The following CACNA2D3 variants were observed in gnomAD, a reference collection of about 807,000 sequenced individuals.
CACNA2D3 encodes the protein voltage-dependent calcium channel subunit alpha-2/delta-3.
CACNA2D3 carries 60 observed loss-of-function variants against 160.6 expected under a neutral mutation model. That is an observed-to-expected ratio of 0.37 (90% CI 0.30 to 0.46). The LOEUF is 0.46. Ranked by LOEUF, CACNA2D3 falls within the 20% of genes least tolerant of loss-of-function variation. CACNA2D3 has a pLI of 1.00. For synonymous variants in CACNA2D3, 558 were observed against 492.9 expected (o/e 1.13, Z -1.75); for missense variants, 1,205 against 1,365.0 (o/e 0.88, Z 1.85).
At chr3:54,294,859 T>C (rs1012151452) in intron 2 of CACNA2D3, among the ~76,000 whole-genome samples, 6 of 152,232 alleles carry the variant, frequency 3.9e-5, no homozygotes, top group African/African-American at 7.2e-5. Context: ...TAGTGGCTTC[T>C]CTTGCTTTAG....
At chr3:54,726,374 C>G (rs1003412488) in intron 11 of CACNA2D3, among the ~76,000 whole-genome samples, 11 of 152,208 alleles carry the variant, frequency 7.2e-5, no homozygotes, top group Admixed American at 5.2e-4. Context: ...CCCCATCAAG[C>G]TACCACTGAC....
chr3:54,618,352 C>CATATATATATATATATATATATAT (rs140732966), intron 9 of CACNA2D3, among the ~76,000 whole-genome samples: 1 of 119,888 alleles, frequency 8.3e-6, no homozygotes, highest in African/African-American at 3.2e-5. Flanking sequence ...TTGATACATA[C>CATATATATATATATATATATATAT]ATATATATAT....
intron 17 of CACNA2D3, among the ~76,000 whole-genome samples, chr3:54,867,695 C>A (rs1225237360): frequency 1.3e-5 from 2 of 152,178 alleles, no homozygotes; most frequent in Non-Finnish European, 1.5e-5. Context: ...TGGCTTCATG[C>A]CCAGGAAGAC....
chr3:54,644,080 A>G (rs1399742076), intron 11 of CACNA2D3, among the ~76,000 whole-genome samples: 1 of 152,136 alleles, frequency 6.6e-6, no homozygotes, highest in Non-Finnish European at 1.5e-5. Flanking sequence ...AATAGCATTT[A>G]CCCAAGAATA....
intron 4 of CACNA2D3, among the ~76,000 whole-genome samples, chr3:54,498,769 G>A (rs1041727586): frequency 2.4e-4 from 36 of 151,804 alleles, no homozygotes; most frequent in African/African-American, 8.2e-4. Flanking sequence ...ATATTGATAT[G>A]TTGTTTTCAT....
chr3:55,067,098 T>TG lies in CACNA2D3; in HGVS notation c.2988-6347_2988-6346insG, dbSNP rs560175834. ...TAATCTTTCCGCTGGCAATCTTTTG[T>TG]AGCGGGGGGGGCTTTTCTCCTCTCA... On this transcript the variant is annotated intron_variant, in intron 35 of 37. Transcript: ENST00000474759. 7.6e-3 allele frequency among the ~76,000 whole-genome samples: 1,130 copies of TG among 148,322 alleles called. 29 individuals are homozygous for TG. The highest frequency in any genetic ancestry group is 0.054 in the Admixed American group (788 of 14,686).
At chr3:54,990,274 T>C (rs1004664294) in intron 31 of CACNA2D3, among the ~76,000 whole-genome samples, 5 of 152,188 alleles carry the variant, frequency 3.3e-5, no homozygotes, top group African/African-American at 9.7e-5. Flanking sequence ...CTCACGCCTG[T>C]AATCCCAGCA....
At chr3:54,219,968 C>T (rs914667578) in intron 2 of CACNA2D3, among the ~76,000 whole-genome samples, 12 of 152,036 alleles carry the variant, frequency 7.9e-5, no homozygotes, top group African/African-American at 2.2e-4. Flanking sequence ...CAATGAAAAC[C>T]TCAAGCCTGT....
intron 3 of CACNA2D3, among the ~76,000 whole-genome samples, chr3:54,348,112 G>C (rs575013181): frequency 8.5e-5 from 13 of 152,258 alleles, no homozygotes; most frequent in African/African-American, 3.1e-4. Context: ...TTGCATCATA[G>C]GTTTGATCAA....
intron 12 of CACNA2D3, among the ~76,000 whole-genome samples, chr3:54,763,799 GT>G (rs1702148574): frequency 4.8e-5 from 1 of 20,670 alleles, no homozygotes; most frequent in African/African-American, 1.9e-4. Context: ...GTATATATAT[GT>G]ACATATATAT....
Position 54,918,481 on chromosome 3 carries a change from C to A in CACNA2D3, c.2449+18613C>A, listed in dbSNP as rs757176230. 70 of 1,613,402 alleles carry A rather than the reference C, an allele frequency of 4.3e-5. No homozygotes were observed. The highest frequency in any genetic ancestry group is 1.6e-4 in the Middle Eastern group (1 of 6,082). On this transcript the variant is annotated intron_variant, in intron 27 of 37. Transcript: ENST00000474759. ...CTCTCAGGCTGGTGAGCTGTCAAAT[C>A]GCTCTTTTTCTTCCACCTTCCCAGG...
chr3:54,853,955 A>T (rs1699114104), intron 17 of CACNA2D3, among the ~76,000 whole-genome samples: 1 of 151,784 alleles, frequency 6.6e-6, no homozygotes, highest in South Asian at 2.1e-4. Context: ...AGCCTCCTGG[A>T]CCCCCGCTCT....
At chr3:54,342,152 AC>A (rs1165037174) in intron 3 of CACNA2D3, among the ~76,000 whole-genome samples, 7 of 152,362 alleles carry the variant, frequency 4.6e-5, no homozygotes, top group African/African-American at 1.7e-4. Context: ...ATGTAAAAGT[AC>A]TATAGCAGTA....
intron 3 of CACNA2D3, among the ~76,000 whole-genome samples, chr3:54,370,812 A>G (rs1299524513): frequency 2.0e-5 from 3 of 147,686 alleles, no homozygotes; most frequent in Non-Finnish European, 4.5e-5. Flanking sequence ...CAGTTTTAGA[A>G]TATTTTTCTC....
chr3:54,611,827 C>T (rs1237802050), intron 9 of CACNA2D3, among the ~76,000 whole-genome samples: 2 of 152,052 alleles, frequency 1.3e-5, no homozygotes, highest in Non-Finnish European at 2.9e-5. Flanking sequence ...ATTCCAGAAT[C>T]GCATATTGGA....
intron 3 of CACNA2D3, among the ~76,000 whole-genome samples, chr3:54,349,129 T>C (rs1461559702): frequency 6.6e-6 from 1 of 152,144 alleles, no homozygotes; most frequent in East Asian, 1.9e-4. Flanking sequence ...GGTAGAAAAC[T>C]AAAGAAAGGC....
At chr3:54,585,631 C>T (rs1702747603) in intron 9 of CACNA2D3, among the ~76,000 whole-genome samples, 1 of 152,122 alleles carries the variant, frequency 6.6e-6, no homozygotes, top group Admixed American at 6.6e-5. Context: ...AAGGAAAGAG[C>T]AAAGGCACAT....
intron 11 of CACNA2D3, among the ~76,000 whole-genome samples, chr3:54,675,390 G>C (rs1700221586): frequency 6.6e-6 from 1 of 152,204 alleles, no homozygotes; most frequent in African/African-American, 2.4e-5. Context: ...CGGCTGGACA[G>C]AGGCAGTCAT....
chr3:54,738,942 T>A (rs929903943), intron 11 of CACNA2D3, among the ~76,000 whole-genome samples: 3 of 152,202 alleles, frequency 2.0e-5, no homozygotes, highest in South Asian at 2.1e-4. Context: ...CCCAGGAGTT[T>A]AAGACCAGCC....
Sources: allele counts gnomAD v4.1 joint callset (sites outside exome capture counted in the v4.1 genomes callset), GRCh38; gene constraint gnomAD v4.1.1; transcripts MANE v1.5; gene names NCBI Gene and HGNC (gene_info 2026-07-23, HGNC 2026-07-21).